The following CPLX4 variants were observed in gnomAD, a reference collection of about 807,000 sequenced individuals.
CPLX4 encodes complexin 4, also known as complexin-4.
In CPLX4, 17 loss-of-function variants were observed where a neutral mutation model predicts 16.1. That is an observed-to-expected ratio of 1.06 (90% CI 0.72 to 1.59). The LOEUF (loss-of-function observed/expected upper bound fraction) is 1.59. Ranked by LOEUF, CPLX4 falls within the 40% of genes most tolerant of loss-of-function variation. CPLX4 has a pLI of 0.00. For synonymous variants in CPLX4, 55 were observed against 57.8 expected, an observed-to-expected ratio of 0.95 and a Z score of 0.22; for missense variants, 193 against 192.9, an observed-to-expected ratio of 1.00 and a Z score of 0.00.
chr18:59,312,204 T>C (rs2070621265), intron 2 of CPLX4, among the ~76,000 whole-genome samples: 1 of 152,140 alleles, frequency 6.6e-6, no homozygotes, highest in Admixed American at 6.5e-5. Context: ...TGTTGTGTAT[T>C]TACATAGAGA....
chr18:59,309,822 CAAAAAAAAAAAAAAA>C (rs369580193), intron 2 of CPLX4, among the ~76,000 whole-genome samples: 1 of 87,028 alleles, frequency 1.1e-5, no homozygotes, highest in African/African-American at 4.4e-5. Flanking sequence ...GACTCTGTGT[CAAAAAAAAAAAAAAA>C]AAAAAGAAAA....
Position 59,296,640 on chromosome 18 carries a change from A to T in CPLX4, c.*58T>A, listed in dbSNP as rs764820442. On this transcript the variant is annotated 3_prime_UTR_variant, in exon 3 of 3. Transcript: ENST00000299721. ...AAACATGTACTGCTTGAAACGTCCCACAAGAGAGTGGTCTTTTCCAAGGAT... is the reference window on the plus strand; with the variant it reads ...AAACATGTACTGCTTGAAACGTCCCTCAAGAGAGTGGTCTTTTCCAAGGAT... 3.0e-5 allele frequency: 47 copies of T among 1,589,616 alleles called. No individual in the cohort carries two copies. The highest frequency in any genetic ancestry group is 4.0e-5 in the Non-Finnish European group (46 of 1,163,744).
intron 2 of CPLX4, among the ~76,000 whole-genome samples, chr18:59,306,332 G>A (rs886152191): frequency 1.2e-4 from 18 of 152,256 alleles, no homozygotes; most frequent in Admixed American, 3.3e-4. Flanking sequence ...AGAGGAAATC[G>A]ACATAATCTG....
intron 2 of CPLX4, among the ~76,000 whole-genome samples, chr18:59,311,520 G>T (rs775339222): frequency 2.6e-5 from 4 of 152,156 alleles, no homozygotes; most frequent in Non-Finnish European, 4.4e-5. Flanking sequence ...GGAAGGAATT[G>T]GTTTAGCAGC....
intron 2 of CPLX4, among the ~76,000 whole-genome samples, chr18:59,310,480 C>A (rs566607399): frequency 3.3e-5 from 5 of 152,330 alleles, no homozygotes; most frequent in Non-Finnish European, 1.5e-5. Context: ...AGCAAGACTG[C>A]TGATTTACCA....
chr18:59,303,104 G>A lies in CPLX4; in HGVS notation c.256-6179C>T, dbSNP rs182217500. ...TCTCACTGTCCTGGTTATGAGTGAG[G>A]CTGCTGCCCTCAGAAGCTAGTGTGT... On this transcript the variant is annotated intron_variant, in intron 2 of 2. Transcript: ENST00000299721. Among the ~76,000 whole-genome samples the A allele has an allele frequency of 2.6e-5, 4 of 152,300 alleles. No homozygotes were observed. In the East Asian group the frequency reaches 7.7e-4, roughly 29 times the overall value.
chr18:59,298,404 G>A (rs1442836133), intron 2 of CPLX4, among the ~76,000 whole-genome samples: 2 of 152,288 alleles, frequency 1.3e-5, no homozygotes, highest in African/African-American at 2.4e-5. Context: ...GTAACATGAG[G>A]TGACCTGGGT....
chr18:59,302,444 G>A (rs912395635), intron 2 of CPLX4, among the ~76,000 whole-genome samples: 16 of 152,244 alleles, frequency 1.1e-4, no homozygotes, highest in Admixed American at 7.2e-4. Context: ...GAGTGAGCCA[G>A]CACATAATTA....
At chr18:59,303,466 G>A (rs532560163) in intron 2 of CPLX4, among the ~76,000 whole-genome samples, 1 of 152,256 alleles carries the variant, frequency 6.6e-6, no homozygotes, top group South Asian at 2.1e-4. Context: ...GGTCTCGAGA[G>A]GTAAAGATTC....
chr18:59,306,305 C>G (rs916588658), intron 2 of CPLX4, among the ~76,000 whole-genome samples: 3 of 152,166 alleles, frequency 2.0e-5, no homozygotes, highest in Non-Finnish European at 2.9e-5. Context: ...CCTCTGATGA[C>G]CTATAATTTG....
rs756534722 is a variant in CPLX4, at chr18:59,296,755, G to A, written c.426C>T (p.Ala142=). 3.0e-5 allele frequency: 49 copies of A among 1,613,510 alleles called. No individual in the cohort carries two copies. The highest frequency in any genetic ancestry group is 3.7e-5 in the Non-Finnish European group (44 of 1,179,972). Residue 142 remains alanine, a synonymous_variant, in exon 3 of 3, where the codon GCC becomes GCT. Transcript: ENST00000299721. ...GCTTGATTTCAGTGAAGGTGGCCTGGGCTTTTTCTTTTATGGTATCCAAGT... is the reference window on the plus strand; with the variant it reads ...GCTTGATTTCAGTGAAGGTGGCCTGAGCTTTTTCTTTTATGGTATCCAAGT... ...NMDLDTIKEK[A]QATFTEIKQT... is the part of the protein sequence containing the mutation.
intron 2 of CPLX4, among the ~76,000 whole-genome samples, chr18:59,300,306 C>G (rs1603391233): frequency 6.6e-6 from 1 of 151,966 alleles, no homozygotes; most frequent in Admixed American, 6.6e-5. Flanking sequence ...GAACTCCAGC[C>G]CGGGCAAAAG....
intron 1 of CPLX4, among the ~76,000 whole-genome samples, chr18:59,314,696 C>T (rs1024484632): frequency 2.6e-5 from 4 of 152,206 alleles, no homozygotes; most frequent in African/African-American, 4.8e-5. Context: ...GCAACCACCA[C>T]GCCTTTTCTA....
At chr18:59,300,035 A>G (rs185343543) in intron 2 of CPLX4, among the ~76,000 whole-genome samples, 5 of 152,296 alleles carry the variant, frequency 3.3e-5, no homozygotes, top group Admixed American at 1.3e-4. Flanking sequence ...ACAGACAATT[A>G]TATGTTTACT....
chr18:59,302,756 G>C (rs1441781414), intron 2 of CPLX4, among the ~76,000 whole-genome samples: 1 of 152,098 alleles, frequency 6.6e-6, no homozygotes, highest in Non-Finnish European at 1.5e-5. Flanking sequence ...ACTACTTCTT[G>C]GACCTGGATA....
chr18:59,316,229 C>A (rs2070650202), intron 1 of CPLX4, among the ~76,000 whole-genome samples: 1 of 151,550 alleles, frequency 6.6e-6, no homozygotes, highest in East Asian at 1.9e-4. Flanking sequence ...AGACCTCTTT[C>A]AGTACTAATG....
At chr18:59,316,021 C>CA (rs1305830216) in intron 1 of CPLX4, among the ~76,000 whole-genome samples, 6 of 152,192 alleles carry the variant, frequency 3.9e-5, no homozygotes, top group African/African-American at 1.4e-4. Flanking sequence ...CATTTCAGTA[C>CA]ATTCCTCACA....
At chr18:59,299,710 T>G (rs2070527097) in intron 2 of CPLX4, among the ~76,000 whole-genome samples, 1 of 152,174 alleles carries the variant, frequency 6.6e-6, no homozygotes, top group African/African-American at 2.4e-5. Flanking sequence ...CTACGTTGCC[T>G]TATGGAGAGG....
At chr18:59,297,888 G>A (rs1284468909) in intron 2 of CPLX4, among the ~76,000 whole-genome samples, 1 of 152,100 alleles carries the variant, frequency 6.6e-6, no homozygotes, top group African/African-American at 2.4e-5. Flanking sequence ...ACTTTCCACC[G>A]TTAGCACCTG....
Sources: allele counts gnomAD v4.1 joint callset (sites outside exome capture counted in the v4.1 genomes callset), GRCh38; gene constraint gnomAD v4.1.1; transcripts MANE v1.5; gene names NCBI Gene and HGNC (gene_info 2026-07-23, HGNC 2026-07-21).